Variants in DIAPH2 observed in about 807,000 individuals in gnomAD.
DIAPH2 encodes protein diaphanous homolog 2.
A neutral mutation model predicts 92.7 loss-of-function variants in DIAPH2; 35 were observed. That is an observed-to-expected ratio of 0.38 (90% confidence interval 0.29 to 0.50). The LOEUF (loss-of-function observed/expected upper bound fraction) is 0.50. Among genes scored for constraint, DIAPH2 ranks in the 20% least tolerant of loss-of-function variants. The pLI, the probability that DIAPH2 is intolerant of heterozygous loss-of-function variation, is 0.94. For synonymous variants in DIAPH2, 301 were observed against 280.4 expected, an observed-to-expected ratio of 1.07 and a Z score of -0.73; for missense variants, 701 against 819.5, an observed-to-expected ratio of 0.86 and a Z score of 1.77.
At chrX:97,253,209 A>C (rs1047923937) in intron 23 of DIAPH2, among the ~76,000 whole-genome samples, 1 of 108,593 alleles carries the variant, frequency 9.2e-6, no homozygotes, top group African/African-American at 3.4e-5. Context: ...AATCACTTGA[A>C]CCTGGCAGGC....
At chrX:97,162,170 T>C (rs2067379104) in intron 22 of DIAPH2, among the ~76,000 whole-genome samples, 1 of 111,268 alleles carries the variant, frequency 9.0e-6, no homozygotes, top group African/African-American at 3.3e-5. Context: ...TAATTCTCTC[T>C]TTACCTGTAT....
chrX:97,279,256 G>T (rs1208746987), intron 23 of DIAPH2, among the ~76,000 whole-genome samples: 2 of 107,667 alleles, frequency 1.9e-5, no homozygotes, highest in African/African-American at 6.8e-5. Context: ...AAACTAAATT[G>T]ATTTTTTAAA....
chrX:96,828,941 A>G (rs915510767), intron 4 of DIAPH2, among the ~76,000 whole-genome samples: 1 of 110,960 alleles, frequency 9.0e-6, no homozygotes. Flanking sequence ...CTGACAGAAG[A>G]AAAAAAAACC....
chrX:96,899,862 G>T (rs1305785927), intron 5 of DIAPH2, among the ~76,000 whole-genome samples: 6 of 110,824 alleles, frequency 5.4e-5, no homozygotes, highest in African/African-American at 1.6e-4. Flanking sequence ...TTGGCTGTGG[G>T]TTTGTCATAG....
chrX:97,279,954 A>G (rs770637991), intron 23 of DIAPH2, among the ~76,000 whole-genome samples: 5 of 111,613 alleles, frequency 4.5e-5, no homozygotes, highest in Admixed American at 1.9e-4. Context: ...AAATATTGAG[A>G]GGGACATAAA....
At chrX:96,924,211 A>C (rs2147788660) in intron 9 of DIAPH2, among the ~76,000 whole-genome samples, 1 of 112,165 alleles carries the variant, frequency 8.9e-6, no homozygotes, top group South Asian at 3.7e-4. Flanking sequence ...TAGCATTTAT[A>C]AAGTGTTGAA....
At chrX:97,256,959 A>G (rs1191768563) in intron 23 of DIAPH2, among the ~76,000 whole-genome samples, 1 of 107,284 alleles carries the variant, frequency 9.3e-6, no homozygotes, top group Non-Finnish European at 1.9e-5. Flanking sequence ...CACCACACCC[A>G]GCCTTTCTTC....
At chrX:97,512,143 C>T (rs1298312637) in intron 26 of DIAPH2, among the ~76,000 whole-genome samples, 1 of 113,145 alleles carries the variant, frequency 8.8e-6, no homozygotes, top group Non-Finnish European at 1.9e-5. Context: ...TGGTCCTGGA[C>T]TCTTTTTGGT....
intron 26 of DIAPH2, among the ~76,000 whole-genome samples, chrX:97,434,387 A>C (rs984527507): frequency 3.7e-5 from 4 of 109,363 alleles, no homozygotes; most frequent in Non-Finnish European, 5.7e-5. Context: ...TGACTGGCTA[A>C]GAAGACATTT....
chrX:97,260,863 A>G (rs781645830), intron 23 of DIAPH2, among the ~76,000 whole-genome samples: 5 of 112,167 alleles, frequency 4.5e-5, no homozygotes, highest in Non-Finnish European at 7.5e-5. Flanking sequence ...TTTGCCCATT[A>G]CTAGTTTACA....
chrX:96,706,399 G>C (rs2063885850), intron 1 of DIAPH2, among the ~76,000 whole-genome samples: 1 of 112,289 alleles, frequency 8.9e-6, no homozygotes. Flanking sequence ...AGTGAGACTG[G>C]AAGCTGGGAG....
chrX:97,218,087 G>A, intron 22 of DIAPH2, among the ~76,000 whole-genome samples: 1 of 108,149 alleles, frequency 9.2e-6, no homozygotes, highest in Middle Eastern at 5.2e-3. Context: ...TTTAGGACAT[G>A]CTTTTCTTTT....
chrX:96,854,697 G>T (rs2065029131), intron 4 of DIAPH2, among the ~76,000 whole-genome samples: 1 of 97,822 alleles, frequency 1.0e-5, no homozygotes, highest in Non-Finnish European at 2.1e-5. Context: ...AGCCTATACA[G>T]TGTGGATACA....
intron 5 of DIAPH2, 64 bp from the exon 6 acceptor site, chrX:96,912,264 T>A: frequency 1.1e-6 from 1 of 871,120 alleles, no homozygotes; most frequent in Non-Finnish European, 1.6e-6. Context: ...AATTTTATTT[T>A]GGATATTTAA....
At chrX:96,707,599 G>T (rs1329122538) in intron 1 of DIAPH2, among the ~76,000 whole-genome samples, 1 of 109,103 alleles carries the variant, frequency 9.2e-6, no homozygotes, top group Non-Finnish European at 1.9e-5. Context: ...AGTGAGCCAA[G>T]ATCACGCCAT....
intron 26 of DIAPH2, among the ~76,000 whole-genome samples, chrX:97,455,141 A>G (rs1304587433): frequency 1.8e-5 from 2 of 112,459 alleles, no homozygotes. Flanking sequence ...TAGGACGTAT[A>G]GACTCTCTGC....
chrX:97,474,405 T>G (rs2070587725), intron 26 of DIAPH2, among the ~76,000 whole-genome samples: 1 of 112,294 alleles, frequency 8.9e-6, no homozygotes, highest in South Asian at 3.7e-4. Context: ...GTAAAGTGAC[T>G]TATAGTGCCC....
rs150951357 is a variant in DIAPH2 at position 96,798,765 on chromosome X, T to G, written c.447+40507T>G. ...AAATCAACTTGATCATATTAAGACTTGTTTTTAAACTTTGCATGAATCTAA... is the reference window on the plus strand; with the variant it reads ...AAATCAACTTGATCATATTAAGACTGGTTTTTAAACTTTGCATGAATCTAA... On this transcript the variant is annotated intron_variant, in intron 4 of 26. Transcript: ENST00000324765. Among the ~76,000 whole-genome samples the G allele has an allele frequency of 8.8e-3, 986 of 111,902 alleles. 4 individuals carry two copies. The highest frequency in any genetic ancestry group is 0.015 in the Non-Finnish European group (816 of 53,227).
intron 22 of DIAPH2, among the ~76,000 whole-genome samples, chrX:97,154,272 C>A (rs2067306266): frequency 1.8e-5 from 2 of 111,624 alleles, no homozygotes; most frequent in Non-Finnish European, 3.8e-5. Context: ...CACAAGATCA[C>A]ACAATGAATA....
Sources: gnomAD v4.1 joint callset for allele counts (sites outside exome capture counted in the v4.1 genomes callset) on GRCh38, gnomAD v4.1.1 for gene constraint, MANE v1.5 for transcripts, NCBI Gene and HGNC (gene_info 2026-07-23, HGNC 2026-07-21) for gene names.